The following EPM2A variants were observed in gnomAD, a reference collection of about 807,000 sequenced individuals.
EPM2A encodes the protein EPM2A glucan phosphatase, laforin.
Under a neutral mutation model 26.5 loss-of-function variants are expected in EPM2A, and 21 were observed. That is an observed-to-expected ratio of 0.79 (90% CI 0.56 to 1.14). The LOEUF (loss-of-function observed/expected upper bound fraction) is 1.14, where lower values mean the gene tolerates loss of function less well. EPM2A is among the 50% of genes most tolerant of loss of function. EPM2A has a pLI of 0.00. For synonymous variants in EPM2A, 217 were observed against 177.6 expected (o/e 1.22, Z -1.76); for missense variants, 458 against 440.8 (o/e 1.04, Z -0.35).
chr6:145,732,978 G>A (rs2128646399), intron 1 of EPM2A, among the ~76,000 whole-genome samples: 1 of 152,244 alleles, frequency 6.6e-6, no homozygotes, highest in Admixed American at 6.5e-5. Context: ...CAGGCAATCT[G>A]GCTCCAGAAT....
intron 2 of EPM2A, among the ~76,000 whole-genome samples, chr6:145,604,223 T>A (rs1458860616): frequency 1.3e-5 from 2 of 152,166 alleles, no homozygotes; most frequent in Non-Finnish European, 2.9e-5. Flanking sequence ...TGTATTATTT[T>A]AGAAAATAAA....
At chr6:145,731,912 CACAGCTGATAATTATCAGCT>C (rs1225687722) in intron 1 of EPM2A, among the ~76,000 whole-genome samples, 1 of 152,032 alleles carries the variant, frequency 6.6e-6, no homozygotes, top group Non-Finnish European at 1.5e-5. Context: ...AATTATCAGC[CACAGCTGATAATTATCAGCT>C]AGAAATTACT....
At chr6:145,524,356 C>T (rs1780243319) in intron 2 of EPM2A, among the ~76,000 whole-genome samples, 2 of 152,156 alleles carry the variant, frequency 1.3e-5, no homozygotes, top group African/African-American at 4.8e-5. Flanking sequence ...TGAGAAATCT[C>T]CAAACTGCTC....
At chr6:145,699,256 A>G (rs1781784096) in intron 1 of EPM2A, among the ~76,000 whole-genome samples, 1 of 152,190 alleles carries the variant, frequency 6.6e-6, no homozygotes, top group African/African-American at 2.4e-5. Context: ...AACGAAACTA[A>G]ATTATGAAAA....
At chr6:145,621,824 T>A (rs879720985), downstream of EPM2A, among the ~76,000 whole-genome samples, 2 of 152,242 alleles carry the variant, frequency 1.3e-5, no homozygotes, top group South Asian at 2.1e-4. Flanking sequence ...TTTGGGTTCC[T>A]TATGCATTTG....
intron 3 of EPM2A, chr6:145,629,842 T>G (rs1442090657): frequency 2.6e-5 from 4 of 152,254 alleles, no homozygotes; most frequent in Non-Finnish European, 5.9e-5. Context: ...AGTATGTGAA[T>G]AGCCCACAGT....
chr6:145,629,815 G>C (rs948643223), intron 3 of EPM2A: 1 of 152,250 alleles, frequency 6.6e-6, no homozygotes, highest in Admixed American at 6.5e-5. Flanking sequence ...GTAGGTTCAG[G>C]CTTGCCTCAG....
chr6:145,595,590 T>C (rs1278790574), intron 2 of EPM2A, among the ~76,000 whole-genome samples: 1 of 152,042 alleles, frequency 6.6e-6, no homozygotes, highest in Admixed American at 6.5e-5. Context: ...ATATCTATTT[T>C]ATATTTTTTA....
chr6:145,554,659 A>G (rs930416388), intron 2 of EPM2A, among the ~76,000 whole-genome samples: 1 of 152,096 alleles, frequency 6.6e-6, no homozygotes, highest in Non-Finnish European at 1.5e-5. Context: ...TTCTCCTGAT[A>G]TAGCAGAAGG....
chr6:145,701,914 CA>C, intron 1 of EPM2A, among the ~76,000 whole-genome samples: 1 of 151,552 alleles, frequency 6.6e-6, no homozygotes, highest in Middle Eastern at 3.4e-3. Flanking sequence ...CACACACACA[CA>C]AAAAAAGCGA....
intron 2 of EPM2A, among the ~76,000 whole-genome samples, chr6:145,643,273 A>G (rs1362969293): frequency 6.6e-6 from 1 of 152,236 alleles, no homozygotes; most frequent in African/African-American, 2.4e-5. Flanking sequence ...TATTTTTACA[A>G]GACTCAGAGT....
intron 2 of EPM2A, among the ~76,000 whole-genome samples, chr6:145,533,066 C>T (rs1235223834): frequency 2.0e-5 from 3 of 152,116 alleles, no homozygotes; most frequent in Non-Finnish European, 4.4e-5. Context: ...CCAAACTTAA[C>T]AGGTCTAACA....
chr6:145,531,777 C>A (rs980465350), intron 2 of EPM2A, among the ~76,000 whole-genome samples: 4 of 152,210 alleles, frequency 2.6e-5, no homozygotes, highest in African/African-American at 9.6e-5. Context: ...GAAGACAAGT[C>A]AGAAGACTCA....
chr6:145,528,711 C>T (rs1410221547), intron 2 of EPM2A, among the ~76,000 whole-genome samples: 2 of 152,144 alleles, frequency 1.3e-5, no homozygotes, highest in African/African-American at 4.8e-5. Flanking sequence ...GCACACACAT[C>T]TATTCTGGAG....
chr6:145,689,334 C>T (rs997058109), intron 1 of EPM2A, among the ~76,000 whole-genome samples: 2 of 152,134 alleles, frequency 1.3e-5, no homozygotes, highest in African/African-American at 4.8e-5. Context: ...GAGATTTCTG[C>T]ATGGAGAACT....
intron 2 of EPM2A, among the ~76,000 whole-genome samples, chr6:145,650,729 A>G (rs9497381): frequency 9.0e-4 from 137 of 152,244 alleles, no homozygotes; most frequent in African/African-American, 3.2e-3. Context: ...TCAGTGGTTA[A>G]CCTTGTAGTC....
intron 2 of EPM2A, among the ~76,000 whole-genome samples, chr6:145,509,351 A>G (rs1032118215): frequency 3.9e-5 from 6 of 152,160 alleles, no homozygotes; most frequent in African/African-American, 1.4e-4. Context: ...AAATGGCCAT[A>G]TTATCCTTAA....
chr6:145,581,955 A>G (rs997440620), intron 2 of EPM2A, among the ~76,000 whole-genome samples: 9 of 152,098 alleles, frequency 5.9e-5, no homozygotes, highest in Non-Finnish European at 1.0e-4. Flanking sequence ...GGGCATAGAT[A>G]TGTTCATAAT....
intron 4 of EPM2A, among the ~76,000 whole-genome samples, chr6:145,419,188 C>CA (rs1050162846): frequency 6.6e-6 from 1 of 150,658 alleles, no homozygotes; most frequent in African/African-American, 2.4e-5. Context: ...TGTCCCCCCC[C>CA]CCCGCTCCTT....
Sources: gnomAD v4.1 joint callset for allele counts (sites outside exome capture counted in the v4.1 genomes callset) on GRCh38, gnomAD v4.1.1 for gene constraint, MANE v1.5 for transcripts, NCBI Gene and HGNC (gene_info 2026-07-23, HGNC 2026-07-21) for gene names.